Variants in CLCA1 observed in about 807,000 individuals in gnomAD.
CLCA1 encodes the protein calcium-activated chloride channel regulator 1.
CLCA1 carries 59 observed loss-of-function variants against 85.6 expected under a neutral mutation model. The ratio of observed to expected loss-of-function variants is 0.69; its 90% CI spans 0.56 to 0.86. The LOEUF (loss-of-function observed/expected upper bound fraction) is 0.86, where lower values mean the gene tolerates loss of function less well. Among genes scored for constraint, CLCA1 ranks in the 40% least tolerant of loss-of-function variants. The probability of loss-of-function intolerance (pLI) is 0.00; values close to 1 mark genes in which losing one functional copy is unlikely to be tolerated. For synonymous variants in CLCA1, 396 were observed against 398.3 expected (o/e 0.99, Z 0.07); for missense variants, 1,022 against 1,101.4 (o/e 0.93, Z 1.02).
At chr1:86,481,497 A>T (rs1364251318) in intron 4 of CLCA1, among the ~76,000 whole-genome samples, 5 of 152,102 alleles carry the variant, frequency 3.3e-5, no homozygotes, top group African/African-American at 4.8e-5. Flanking sequence ...AGTTTTTTTT[A>T]AAGCAGGAAA....
At chr1:86,491,190 C>A in intron 8 of CLCA1, 75 bp from the exon 9 acceptor site, 2 of 1,031,876 alleles carry the variant, frequency 1.9e-6, no homozygotes, top group Non-Finnish European at 3.0e-6. Context: ...ATTGTATGCT[C>A]TCTAAACAAC....
intron 9 of CLCA1, among the ~76,000 whole-genome samples, chr1:86,492,059 T>C (rs1436151128): frequency 2.0e-5 from 3 of 152,260 alleles, no homozygotes; most frequent in Non-Finnish European, 4.4e-5. Flanking sequence ...TGCTCTTTTT[T>C]AGTAATTGCA....
At chr1:86,478,929 C>G (rs2101732456) in intron 4 of CLCA1, among the ~76,000 whole-genome samples, 1 of 152,304 alleles carries the variant, frequency 6.6e-6, no homozygotes, top group East Asian at 1.9e-4. Flanking sequence ...TACAGAACAT[C>G]TGTTCAAAGC....
intron 8 of CLCA1, among the ~76,000 whole-genome samples, chr1:86,490,899 T>TAAAAAAAAAA (rs59948810): frequency 6.7e-4 from 60 of 89,578 alleles, no homozygotes; most frequent in African/African-American, 9.7e-4. Flanking sequence ...AACCCATCTC[T>TAAAAAAAAAA]AAAAAAAAAA....
chr1:86,496,030 T>A (rs1397610506), intron 12 of CLCA1, among the ~76,000 whole-genome samples: 2 of 152,164 alleles, frequency 1.3e-5, no homozygotes, highest in Non-Finnish European at 2.9e-5. Context: ...AGCCCAGCCC[T>A]CTATCAAATA....
At chr1:86,486,439 C>A in intron 6 of CLCA1, 87 bp from the exon 7 acceptor site, 2 of 1,191,922 alleles carry the variant, frequency 1.7e-6, no homozygotes, top group Non-Finnish European at 2.4e-6. Context: ...TACATTAAGG[C>A]AGCCACTTCC....
chr1:86,499,633 ATTC>A lies in CLCA1; in HGVS notation c.2354-15_2354-13del, dbSNP rs1648397794. The A allele has an allele frequency of 4.1e-6, 6 of 1,465,126 alleles. No homozygotes were observed. Among genetic ancestry groups the A allele is most frequent in the Admixed American group, 2.1e-5 (1 of 48,246 alleles). The allele number at this position is 1,465,126 out of a possible 1,614,324, so 90.8% of individuals were successfully genotyped here. A position where few individuals can be genotyped will look rare whatever the true frequency, so the allele number is the denominator to read the frequency against. ...TTTAATATTTCAGAATTAAAGTCAC[ATTC>A]TTCTTTTTTCTTTTTAGCTCACAAG... On this transcript the variant is annotated intron_variant, in intron 13 of 13. Transcript: ENST00000394711.
intron 5 of CLCA1, among the ~76,000 whole-genome samples, chr1:86,484,621 A>G (rs905212958): frequency 5.9e-5 from 9 of 152,252 alleles, no homozygotes; most frequent in Admixed American, 2.0e-4. Context: ...GAAAAGTCAC[A>G]AAGTAAACTG....
In CLCA1 at chr1:86,486,700, G is replaced by A; in HGVS notation, c.1129G>A (p.Ala377Thr). The A allele has an allele frequency of 6.2e-7, 1 of 1,614,162 alleles. No homozygotes were observed. Among genetic ancestry groups the A allele is most frequent in the South Asian group, 1.1e-5 (1 of 91,078 alleles). ...DRDTLAKRLP[A>T]AASGGTSICS... ...GGACACACTCGCCAAAAGATTACCT[G>A]CAGCAGCTTCAGGAGGGACGTCCAT... Residue 377 changes from alanine (A) to threonine (T), a missense_variant, in exon 7 of 14, where the codon GCA (alanine) becomes ACA (threonine). Transcript: ENST00000394711.
chr1:86,472,483 C>CT (rs536984274), intron 1 of CLCA1, among the ~76,000 whole-genome samples: 223 of 152,276 alleles, frequency 1.5e-3, no homozygotes, highest in African/African-American at 5.1e-3. Flanking sequence ...AGTCTTCAGC[C>CT]TCTTTTTTCC....
intron 1 of CLCA1, among the ~76,000 whole-genome samples, chr1:86,471,336 C>A (rs554310362): frequency 1.3e-5 from 2 of 152,178 alleles, no homozygotes; most frequent in Non-Finnish European, 2.9e-5. Context: ...TACTAGAAGT[C>A]CAGTGGTCAA....
chr1:86,481,335 C>T (rs549948259), intron 4 of CLCA1, among the ~76,000 whole-genome samples: 30 of 151,970 alleles, frequency 2.0e-4, no homozygotes, highest in Non-Finnish European at 2.4e-4. Context: ...AGTTGGGTTT[C>T]GCCATGTTGC....
chr1:86,493,362 T>G lies in CLCA1; in HGVS notation c.1465-22T>G, dbSNP rs202013683. ...GATGGGAGCTGTATTCTCCAGAAAGTAAGAGCTGTTTTTCTTAACAGCTTG... is the reference window on the plus strand; with the variant it reads ...GATGGGAGCTGTATTCTCCAGAAAGGAAGAGCTGTTTTTCTTAACAGCTTG... On this transcript the variant is annotated intron_variant, in intron 9 of 13. Coordinates refer to ENST00000394711, the MANE Select transcript of CLCA1 (RefSeq NM_001285.4). The G allele has an allele frequency of 8.9e-6, 14 of 1,581,050 alleles. No homozygotes were observed. In the East Asian group the frequency reaches 2.9e-4, roughly 33 times the overall value.
intron 12 of CLCA1, among the ~76,000 whole-genome samples, chr1:86,496,585 G>A (rs528082460): frequency 1.3e-5 from 2 of 152,210 alleles, no homozygotes; most frequent in Non-Finnish European, 2.9e-5. Flanking sequence ...GCTTTCTCCT[G>A]AGGTTGGTGT....
At chr1:86,474,244 A>G (rs182157834) in intron 3 of CLCA1, among the ~76,000 whole-genome samples, 52 of 152,344 alleles carry the variant, frequency 3.4e-4, no homozygotes, top group African/African-American at 1.0e-3. Context: ...CAGATGGCGT[A>G]TATGTGCAGT....
intron 4 of CLCA1, among the ~76,000 whole-genome samples, chr1:86,477,441 G>T (rs1352235296): frequency 1.3e-5 from 2 of 152,192 alleles, no homozygotes; most frequent in African/African-American, 2.4e-5. Context: ...AGAACGCTTG[G>T]CTGCCATGAA....
chr1:86,483,062 G>C lies in CLCA1; in HGVS notation c.735+680G>C, dbSNP rs151085618. Among the ~76,000 whole-genome samples the C allele has an allele frequency of 1.6e-4, 24 of 152,172 alleles. No homozygotes were observed. In the East Asian group the frequency reaches 4.2e-3, roughly 27 times the overall value. On this transcript the variant is annotated intron_variant, in intron 5 of 13. Coordinates refer to ENST00000394711, the MANE Select transcript of CLCA1 (RefSeq NM_001285.4). ...CATATAAAATTACATTTTCCTTTTG[G>C]AATAGAGGGTGCAATAAATTGCAAG...
intron 12 of CLCA1, among the ~76,000 whole-genome samples, chr1:86,496,892 G>C (rs1169491268): frequency 6.6e-6 from 1 of 152,128 alleles, no homozygotes; most frequent in Admixed American, 6.5e-5. Flanking sequence ...ACCATGCCCA[G>C]CTAAGTTTTG....
intron 9 of CLCA1, 52 bp from the exon 10 acceptor site, chr1:86,493,332 C>T (rs1648186954): frequency 7.1e-7 from 1 of 1,414,814 alleles, no homozygotes; most frequent in Non-Finnish European, 9.9e-7. Context: ...GGGAAAAGAT[C>T]ATGTGATGGG....
Sources: allele counts gnomAD v4.1 joint callset (sites outside exome capture counted in the v4.1 genomes callset), GRCh38; gene constraint gnomAD v4.1.1; transcripts MANE v1.5; gene names NCBI Gene and HGNC (gene_info 2026-07-23, HGNC 2026-07-21).